Variants in CD84 observed in about 807,000 individuals in gnomAD.
The protein encoded by CD84 is SLAM family member 5.
Under a neutral mutation model 33.8 loss-of-function variants are expected in CD84, and 22 were observed. The observed-to-expected ratio is 0.65, with a 90% CI of 0.46 to 0.93. The LOEUF (loss-of-function observed/expected upper bound fraction) is 0.93, where lower values mean the gene tolerates loss of function less well. Ranked by LOEUF, CD84 falls within the 40% of genes least tolerant of loss-of-function variation. The pLI is 0.00. For synonymous variants in CD84, 154 were observed against 145.2 expected, an observed-to-expected ratio of 1.06 and a Z score of -0.44; for missense variants, 400 against 397.6, an observed-to-expected ratio of 1.01 and a Z score of -0.05.
Position 160,547,985 on chromosome 1 carries a change from G to A in CD84, c.*271C>T. On this transcript the variant is annotated 3_prime_UTR_variant, in exon 7 of 7. Coordinates refer to ENST00000368054, the MANE Select transcript of CD84 (RefSeq NM_003874.4). The stretch of plus-strand genomic sequence containing the variant: ...CATAAAAATATTATTTTCTACATGT[G>A]CTATGATGGGAAGAAGTTTGGGAAA... 2 of 480,844 alleles carry A rather than the reference G, an allele frequency of 4.2e-6. No homozygotes were observed. The highest frequency in any genetic ancestry group is 7.6e-6 in the Non-Finnish European group (2 of 263,544). 29.8% of individuals were successfully genotyped at this position (480,844 alleles called of 1,614,324 possible).
intron 2 of CD84, among the ~76,000 whole-genome samples, chr1:160,557,202 T>TC (rs1380780126): frequency 2.6e-5 from 4 of 152,214 alleles, no homozygotes; most frequent in Non-Finnish European, 5.9e-5. Context: ...TTGCCCAAGA[T>TC]CATACAGCTG....
In CD84 at chr1:160,554,247, A is replaced by T. The variant is rs189978368; in HGVS notation, c.389-101T>A. 1.5e-3 allele frequency: 1,829 copies of T among 1,199,740 alleles called. 1 individual carries two copies. Among genetic ancestry groups the T allele is most frequent in the Middle Eastern group, 1.7e-3 (6 of 3,498 alleles). 74.3% of individuals were successfully genotyped at this position (1,199,740 alleles called of 1,614,324 possible). On this transcript the variant is annotated intron_variant, in intron 2 of 6. Coordinates refer to ENST00000368054, the MANE Select transcript of CD84 (RefSeq NM_003874.4). ...TCTCAGAAATTTGCAAGCCATCATT[A>T]AAAATTAAATTATAAAAACATAATT... is the stretch of plus-strand genomic sequence containing the variant.
chr1:160,541,491 AG>A lies in CD84; in HGVS notation c.*6764del, dbSNP rs1423988360. 1 of 152,250 alleles carries A rather than the reference AG, an allele frequency of 6.6e-6. No individual in the cohort carries two copies. Among genetic ancestry groups the A allele is most frequent in the Non-Finnish European group, 1.5e-5 (1 of 68,042 alleles). The allele number at this position is 152,250 out of a possible 1,614,324, so 9.4% of individuals were successfully genotyped here. On this transcript the variant is annotated 3_prime_UTR_variant, in exon 7 of 7. Transcript: ENST00000368054. Reference sequence around the variant, plus strand: ...ATAATTATCAGAGAATGTGATAAAAAGCTACTACTCTGTACTTGTGTGCCAA... The same window carrying A: ...ATAATTATCAGAGAATGTGATAAAAACTACTACTCTGTACTTGTGTGCCAA...
chr1:160,548,419 G>A, intron 6 of CD84, 98 bp from the exon 7 acceptor site: 1 of 1,237,636 alleles, frequency 8.1e-7, no homozygotes, highest in East Asian at 2.4e-5. Flanking sequence ...AATGGCACGG[G>A]GGAATGCCTT....
chr1:160,549,256 T>G (rs951611652), intron 6 of CD84, among the ~76,000 whole-genome samples: 3 of 152,154 alleles, frequency 2.0e-5, no homozygotes, highest in Non-Finnish European at 4.4e-5. Flanking sequence ...GCTTGGTAAC[T>G]CAGCTATTAA....
rs1165157291 is a variant in CD84, at chr1:160,546,780, G to A, written c.*1476C>T. On this transcript the variant is annotated 3_prime_UTR_variant, in exon 7 of 7. Transcript: ENST00000368054. ...CTATTACTTGCAGCTGCAGTTCAGC[G>A]TTAACTGTAGTGTCTGTGCTGGAAT... 19 of 209,578 alleles carry A rather than the reference G, an allele frequency of 9.1e-5. No homozygotes were observed. The highest frequency in any genetic ancestry group is 1.9e-5 in the Non-Finnish European group (2 of 106,096). The allele number at this position is 209,578 out of a possible 1,614,324, so 13.0% of individuals were successfully genotyped here. A position where few individuals can be genotyped will look rare whatever the true frequency, so the allele number is the denominator to read the frequency against.
In CD84 at chr1:160,548,054, C is replaced by T. The variant is rs989225621; in HGVS notation, c.*202G>A. 2.7e-5 allele frequency: 16 copies of T among 594,768 alleles called. No homozygotes were observed. The African/African-American group carries it at 2.8e-4, about 10-fold the overall frequency. The allele number at this position is 594,768 out of a possible 1,614,324, so 36.8% of individuals were successfully genotyped here. The stretch of plus-strand genomic sequence containing the variant: ...CTTTGTCATTCATTCAGAAGGGAGT[C>T]ATTTCAGGAAGGGTATGCATCCATT... On this transcript the variant is annotated 3_prime_UTR_variant, in exon 7 of 7. Coordinates refer to ENST00000368054, the MANE Select transcript of CD84 (RefSeq NM_003874.4).
chr1:160,550,910 G>A, intron 5 of CD84, 28 bp downstream of exon 5: 2 of 1,608,736 alleles, frequency 1.2e-6, no homozygotes, highest in Non-Finnish European at 1.7e-6. Flanking sequence ...TGGTGGCACA[G>A]GGGTGTCCAT....
Position 160,553,466 on chromosome 1 carries a change from G to C in CD84, c.672C>G (p.Thr224=). The part of the protein sequence containing the change: ...DIAMGFRTHH[T]GLLSVLAMFF... The stretch of plus-strand genomic sequence containing the variant: ...ACATAGCCAGCACGCTCAGCAACCC[G>C]GTGTGGTGAGTACGGAAGCCCATTG... The change falls in exon 4 of 7, where the codon ACC becomes ACG. Residue 224 remains threonine (T), a synonymous_variant. Transcript: ENST00000368054. 6.2e-7 allele frequency: 1 copy of C among 1,614,082 alleles called. No individual in the cohort carries two copies. The highest frequency in any genetic ancestry group is 8.5e-7 in the Non-Finnish European group (1 of 1,179,988).
In CD84 at chr1:160,548,154, A is replaced by C. The variant is rs1487270161; in HGVS notation, c.*102T>G. Reference sequence around the variant, plus strand: ...TACAGGCTGAGATGTGGCAGTTTGCAATCTCCCAGTAAGAGTTGGGCAGAG... The same window carrying C: ...TACAGGCTGAGATGTGGCAGTTTGCCATCTCCCAGTAAGAGTTGGGCAGAG... On this transcript the variant is annotated 3_prime_UTR_variant, in exon 7 of 7. Transcript: ENST00000368054. The C allele has an allele frequency of 8.0e-7, 1 of 1,246,168 alleles. No homozygotes were observed. Among genetic ancestry groups the C allele is most frequent in the East Asian group, 2.4e-5 (1 of 42,118 alleles). The allele number at this position is 1,246,168 out of a possible 1,614,324, so 77.2% of individuals were successfully genotyped here.
intron 2 of CD84, among the ~76,000 whole-genome samples, chr1:160,558,946 GGAAT>G (rs1352172451): frequency 2.0e-5 from 3 of 152,082 alleles, no homozygotes; most frequent in Non-Finnish European, 4.4e-5. Context: ...AGAATGAAAA[GGAAT>G]GAATGAAACC....
chr1:160,562,974 C>A lies in CD84; in HGVS notation c.388+2430G>T, dbSNP rs578098121. On this transcript the variant is annotated intron_variant, in intron 2 of 6. Transcript: ENST00000368054. ...CAAAAGAAGACATTCATGCAGCCAA[C>A]AAACATGTGAAAAAAAGCTAAACAT... is the stretch of plus-strand genomic sequence containing the variant. Among the ~76,000 whole-genome samples the A allele has an allele frequency of 2.6e-5, 4 of 152,104 alleles. No homozygotes were observed. In the East Asian group the frequency reaches 7.7e-4, roughly 29 times the overall value.
chr1:160,569,128 G>T (rs936624462), intron 1 of CD84, among the ~76,000 whole-genome samples: 1 of 152,172 alleles, frequency 6.6e-6, no homozygotes, highest in Non-Finnish European at 1.5e-5. Context: ...CTTTGGGCCT[G>T]CCCTAGGCCA....
chr1:160,551,054 T>C lies in CD84; in HGVS notation c.761-19A>G, dbSNP rs751736288. The C allele has an allele frequency of 5.1e-6, 8 of 1,565,416 alleles. No individual in the cohort carries two copies. In the Admixed American group the frequency reaches 8.3e-5, roughly 16 times the overall value. ...GCAGCATCTGTCTCACAAATAAATA[T>C]AGACCCACAGTCTGTGAAAGGTGGT... On this transcript the variant is annotated intron_variant, in intron 4 of 6. Coordinates refer to ENST00000368054, the MANE Select transcript of CD84 (RefSeq NM_003874.4).
chr1:160,577,210 G>T (rs1658036294), intron 1 of CD84, among the ~76,000 whole-genome samples: 1 of 152,096 alleles, frequency 6.6e-6, no homozygotes, highest in Non-Finnish European at 1.5e-5. Flanking sequence ...GAGGGGAAAT[G>T]GGGATTTCTC....
At chr1:160,558,004 G>T (rs1217539875) in intron 2 of CD84, among the ~76,000 whole-genome samples, 1 of 152,206 alleles carries the variant, frequency 6.6e-6, no homozygotes, top group Non-Finnish European at 1.5e-5. Context: ...GCTCCTATGG[G>T]GAGGGGCGGC....
At chr1:160,559,096 G>T (rs1656786118) in intron 2 of CD84, among the ~76,000 whole-genome samples, 1 of 152,182 alleles carries the variant, frequency 6.6e-6, no homozygotes, top group South Asian at 2.1e-4. Context: ...AGCCTAGCAA[G>T]ACAGGCCAAC....
Position 160,565,625 on chromosome 1 carries a change from G to A in CD84, c.167C>T (p.Ser56Phe). Residue 56 changes from serine to phenylalanine, a missense_variant, in exon 2 of 7, where the codon TCT becomes TTT. Physicochemically the swap from Ser to Phe is radical, Grantham distance 155. Transcript: ENST00000368054. ...PRQVKIIAWT[S>F]KTSVAYVTPG... ...TGTTACATAAGCAACAGATGTTTTA[G>A]AAGTCCAAGCAATGATTTTAACTTG... 1 of 1,614,014 alleles carries A rather than the reference G, an allele frequency of 6.2e-7. No homozygotes were observed. Among genetic ancestry groups the A allele is most frequent in the South Asian group, 1.1e-5 (1 of 91,072 alleles).
intron 2 of CD84, among the ~76,000 whole-genome samples, chr1:160,555,768 A>ACTTTCTAATTAATGTGGAGT (rs142072541): frequency 0.05 from 7,573 of 152,288 alleles, 641 homozygotes; most frequent in African/African-American, 0.17. Context: ...CTGGTGCACA[A>ACTTTCTAATTAATGTGGAGT]CTAGAAAGGC....
Sources: allele counts gnomAD v4.1 joint callset (sites outside exome capture counted in the v4.1 genomes callset), GRCh38; gene constraint gnomAD v4.1.1; transcripts MANE v1.5; gene names NCBI Gene and HGNC (gene_info 2026-07-23, HGNC 2026-07-21).